Variants in MTUS2 observed in about 807,000 individuals in gnomAD.
MTUS2 encodes the protein microtubule-associated tumor suppressor candidate 2.
MTUS2 carries 40 observed loss-of-function variants against 114.1 expected under a neutral mutation model. The ratio of observed to expected loss-of-function variants is 0.35; its 90% CI spans 0.27 to 0.46. The LOEUF is 0.46. MTUS2 is among the 20% of genes least tolerant of loss of function. MTUS2 has a pLI of 1.00. For synonymous variants in MTUS2, 688 were observed against 672.0 expected, an observed-to-expected ratio of 1.02 and a Z score of -0.37; for missense variants, 1,679 against 1,705.4, an observed-to-expected ratio of 0.98 and a Z score of 0.27.
chr13:29,228,776 T>C (rs1244281916), intron 5 of MTUS2, among the ~76,000 whole-genome samples: 1 of 152,196 alleles, frequency 6.6e-6, no homozygotes, highest in African/African-American at 2.4e-5. Flanking sequence ...ATCCCTTTTA[T>C]ATCATTACAT....
intron 4 of MTUS2, among the ~76,000 whole-genome samples, chr13:29,065,802 T>G (rs912210067): frequency 6.6e-6 from 1 of 152,206 alleles, no homozygotes; most frequent in Non-Finnish European, 1.5e-5. Context: ...ACTTTCTTTA[T>G]CTCTAAAAAT....
intron 2 of MTUS2, among the ~76,000 whole-genome samples, chr13:28,991,882 G>T (rs994764898): frequency 1.3e-5 from 2 of 152,082 alleles, no homozygotes; most frequent in African/African-American, 4.8e-5. Context: ...AGATGTCAAG[G>T]GTTTCTTAGG....
At chr13:29,362,132 T>G (rs1422100189) in intron 8 of MTUS2, among the ~76,000 whole-genome samples, 1 of 152,222 alleles carries the variant, frequency 6.6e-6, no homozygotes, top group African/African-American at 2.4e-5. Flanking sequence ...AAAGTCATTG[T>G]GAGAATGTAG....
At chr13:29,182,064 G>A (rs1302987237) in intron 5 of MTUS2, among the ~76,000 whole-genome samples, 2 of 152,152 alleles carry the variant, frequency 1.3e-5, no homozygotes, top group African/African-American at 4.8e-5. Context: ...TCCCTTGGAT[G>A]CCCCTCCCTG....
intron 2 of MTUS2, among the ~76,000 whole-genome samples, chr13:28,904,686 G>A (rs552823575): frequency 8.5e-5 from 13 of 152,136 alleles, no homozygotes; most frequent in Admixed American, 4.6e-4. Flanking sequence ...GTCAGGTAGC[G>A]TGATGCCTCC....
rs1158725540 is a variant in MTUS2 at position 29,480,263 on chromosome 13, C to G, written c.3298C>G (p.Leu1100Val). The change falls in exon 10 of 16, where the codon CTG becomes GTG. Residue 1100 changes from leucine (L) to valine (V), a missense_variant. By Grantham distance (32) the Leu-to-Val change is conservative. Coordinates refer to ENST00000612955, the MANE Select transcript of MTUS2 (RefSeq NM_001033602.4). This position sits in a 1 kb window ranked among gnomAD's most constrained non-coding sequence, Gnocchi z 4.4. ...GWQQQAELQE[L>V]EERLQLQFEA... The stretch of plus-strand genomic sequence containing the variant: ...GCAGCAGCAGGCCGAGCTCCAGGAG[C>G]TGGAGGAGCGGCTGCAGCTGCAATT... The G allele has an allele frequency of 6.4e-7, 1 of 1,554,070 alleles. No homozygotes were observed. The highest frequency in any genetic ancestry group is 8.7e-7 in the Non-Finnish European group (1 of 1,148,720).
chr13:29,379,460 C>T (rs534020093), intron 8 of MTUS2, among the ~76,000 whole-genome samples: 14 of 152,308 alleles, frequency 9.2e-5, no homozygotes, highest in Admixed American at 7.2e-4. Context: ...CCAAAGGCCA[C>T]CTACAGGACG....
intron 2 of MTUS2, among the ~76,000 whole-genome samples, chr13:28,979,452 G>T (rs1037428000): frequency 6.6e-5 from 10 of 151,966 alleles, no homozygotes; most frequent in Admixed American, 4.6e-4. Flanking sequence ...GAATATACTG[G>T]ATTTCTTTAA....
chr13:29,131,127 C>T (rs1448517567), intron 5 of MTUS2, among the ~76,000 whole-genome samples: 1 of 152,168 alleles, frequency 6.6e-6, no homozygotes, highest in Non-Finnish European at 1.5e-5. Context: ...AAATGATACT[C>T]CTTGTGTCTA....
At chr13:29,050,161 C>G (rs1356030344) in intron 4 of MTUS2, among the ~76,000 whole-genome samples, 1 of 152,108 alleles carries the variant, frequency 6.6e-6, no homozygotes, top group African/African-American at 2.4e-5. Flanking sequence ...GCCTGGGTCC[C>G]TAGGAAACCC....
chr13:28,891,881 A>AAT (rs1201530987), intron 2 of MTUS2, among the ~76,000 whole-genome samples: 1 of 150,028 alleles, frequency 6.7e-6, no homozygotes, highest in African/African-American at 2.5e-5. Flanking sequence ...AAAAAAAAAA[A>AAT]AGAATAACAA....
intron 8 of MTUS2, among the ~76,000 whole-genome samples, chr13:29,383,057 T>C (rs139862147): frequency 7.4e-4 from 111 of 150,906 alleles, no homozygotes; most frequent in African/African-American, 2.4e-3. Flanking sequence ...TATTTGATAA[T>C]ATTGGGCCAC....
intron 2 of MTUS2, among the ~76,000 whole-genome samples, chr13:28,895,618 A>G (rs765162747): frequency 3.3e-5 from 5 of 152,128 alleles, no homozygotes; most frequent in Non-Finnish European, 5.9e-5. Flanking sequence ...AATATGGTTG[A>G]CCGTCTGTAG....
At chr13:29,335,964 C>T (rs9579346) in intron 7 of MTUS2, among the ~76,000 whole-genome samples, 40,040 of 151,954 alleles carry the variant, frequency 0.26, 5,954 homozygotes, top group African/African-American at 0.41. Flanking sequence ...TCCTTTTTCC[C>T]GCTTGATGGA....
intron 7 of MTUS2, among the ~76,000 whole-genome samples, chr13:29,335,222 T>C (rs2138080335): frequency 1.3e-5 from 2 of 152,318 alleles, no homozygotes; most frequent in Middle Eastern, 6.8e-3. Context: ...GCTTTGGAGA[T>C]GACCATATCT....
In MTUS2 at chr13:29,050,573, A is replaced by G. The variant is rs941658453; in HGVS notation, c.2446+16448A>G. ...CTCTCCCTTGGCATCCACCTCGGTCACAACCATCAGCGTCATCTTACCCCC... is the reference window on the plus strand; with the variant it reads ...CTCTCCCTTGGCATCCACCTCGGTCGCAACCATCAGCGTCATCTTACCCCC... On this transcript the variant is annotated intron_variant, in intron 4 of 15. Transcript: ENST00000612955. Among the ~76,000 whole-genome samples, 4 of 152,206 alleles carry G rather than the reference A, an allele frequency of 2.6e-5. No individual in the cohort carries two copies. The East Asian group carries it at 7.8e-4, about 30-fold the overall frequency.
intron 3 of MTUS2, among the ~76,000 whole-genome samples, chr13:29,028,313 T>C (rs1886655957): frequency 1.3e-5 from 2 of 152,016 alleles, no homozygotes; most frequent in African/African-American, 4.8e-5. Flanking sequence ...ACCACGCCAC[T>C]GCACTTCAGC....
rs59245060 is a variant in MTUS2 at position 28,962,964 on chromosome 13, A to G, written c.-242-61493A>G. Among the ~76,000 whole-genome samples the G allele has an allele frequency of 9.6e-3, 1,455 of 152,214 alleles. 33 individuals are homozygous for G. The highest frequency in any genetic ancestry group is 0.033 in the African/African-American group (1,374 of 41,540). The stretch of plus-strand genomic sequence containing the variant: ...CATCAGTATCCCCCCTTTCTACTCT[A>G]TCATTTCCAAACAACTCATAAACAT... On this transcript the variant is annotated intron_variant, in intron 2 of 15. Coordinates refer to ENST00000612955, the MANE Select transcript of MTUS2 (RefSeq NM_001033602.4).
intron 2 of MTUS2, among the ~76,000 whole-genome samples, chr13:28,984,071 C>T (rs769098768): frequency 1.9e-4 from 29 of 152,330 alleles, no homozygotes; most frequent in Non-Finnish European, 3.4e-4. Flanking sequence ...TTTCCCTTCT[C>T]CTCGCTCCCT....
Sources: allele counts gnomAD v4.1 joint callset (sites outside exome capture counted in the v4.1 genomes callset), GRCh38; gene constraint gnomAD v4.1.1; non-coding constraint Gnocchi (gnomAD v3.1); transcripts MANE v1.5; gene names NCBI Gene and HGNC (gene_info 2026-07-23, HGNC 2026-07-21).